The following GRIA4 variants were observed in gnomAD, a reference collection of about 807,000 sequenced individuals.
GRIA4 encodes the protein glutamate ionotropic receptor AMPA type subunit 4.
GRIA4 carries 34 observed loss-of-function variants against 104.0 expected under a neutral mutation model. The observed-to-expected ratio is 0.33, with a 90% CI of 0.25 to 0.44. The LOEUF is 0.44. GRIA4 is among the 20% of genes least tolerant of loss of function. The pLI is 1.00. For synonymous variants in GRIA4, 386 were observed against 381.9 expected, an observed-to-expected ratio of 1.01 and a Z score of -0.13; for missense variants, 750 against 1,096.5, an observed-to-expected ratio of 0.68 and a Z score of 4.46.
chr11:105,723,713 C>T (rs1181333911), intron 3 of GRIA4, among the ~76,000 whole-genome samples: 1 of 152,000 alleles, frequency 6.6e-6, no homozygotes, highest in East Asian at 1.9e-4. Flanking sequence ...AATTTGTGTG[C>T]ATGTGTAACT....
chr11:105,759,986 T>C (rs1264677602), intron 4 of GRIA4, among the ~76,000 whole-genome samples: 1 of 119,456 alleles, frequency 8.4e-6, no homozygotes, highest in East Asian at 2.4e-4. Context: ...TATGAATGAA[T>C]GAATCATATG....
At chr11:105,838,920 T>C (rs1293325108) in intron 4 of GRIA4, among the ~76,000 whole-genome samples, 1 of 152,178 alleles carries the variant, frequency 6.6e-6, no homozygotes, top group Non-Finnish European at 1.5e-5. Flanking sequence ...TCCGTGAAAC[T>C]GACATGCAAG....
At chr11:105,957,271 T>C (rs1948615377) in intron 14 of GRIA4, among the ~76,000 whole-genome samples, 1 of 152,246 alleles carries the variant, frequency 6.6e-6, no homozygotes, top group Non-Finnish European at 1.5e-5. Context: ...TTAATCCATC[T>C]TGAATTAATT....
At chr11:105,850,263 T>C (rs993701051) in intron 4 of GRIA4, among the ~76,000 whole-genome samples, 1 of 152,252 alleles carries the variant, frequency 6.6e-6, no homozygotes, top group African/African-American at 2.4e-5. Flanking sequence ...GCATTCATTA[T>C]AATTCTCAGG....
chr11:105,639,094 C>T (rs939858774), intron 3 of GRIA4, among the ~76,000 whole-genome samples: 4 of 152,024 alleles, frequency 2.6e-5, no homozygotes, highest in Non-Finnish European at 5.9e-5. Flanking sequence ...TCTTATTTCC[C>T]TTTTACTTGG....
chr11:105,619,240 A>G (rs1048630976), intron 3 of GRIA4, among the ~76,000 whole-genome samples: 16 of 151,966 alleles, frequency 1.1e-4, no homozygotes, highest in Non-Finnish European at 1.8e-4. Context: ...GTTACGTAAC[A>G]CTTCTGAGTC....
At chr11:105,626,338 C>T (rs1950886130) in intron 3 of GRIA4, among the ~76,000 whole-genome samples, 1 of 151,914 alleles carries the variant, frequency 6.6e-6, no homozygotes, top group Non-Finnish European at 1.5e-5. Flanking sequence ...ACAGAAAATT[C>T]ACATTGGAAT....
chr11:105,615,076 G>C (rs756106762), intron 3 of GRIA4, among the ~76,000 whole-genome samples: 13 of 151,778 alleles, frequency 8.6e-5, no homozygotes, highest in African/African-American at 3.1e-4. Flanking sequence ...GTTTATTTTA[G>C]TCATGATTTT....
chr11:105,794,463 G>GTATATA (rs1565241119), intron 4 of GRIA4, among the ~76,000 whole-genome samples: 1 of 39,302 alleles, frequency 2.5e-5, no homozygotes, highest in African/African-American at 1.4e-4. Context: ...CTGTGTGTGT[G>GTATATA]TATATGTATG....
intron 4 of GRIA4, among the ~76,000 whole-genome samples, chr11:105,808,636 A>T (rs1461515043): frequency 6.6e-6 from 1 of 152,076 alleles, no homozygotes; most frequent in African/African-American, 2.4e-5. Context: ...CAAATTCTTT[A>T]AAAACTGATA....
intron 13 of GRIA4, among the ~76,000 whole-genome samples, chr11:105,927,685 T>C (rs1056883159): frequency 4.6e-5 from 7 of 152,050 alleles, no homozygotes. Flanking sequence ...GTTTGTTCCA[T>C]TATGGGGATG....
Position 105,753,234 on chromosome 11 carries a change from C to A in GRIA4, c.487+14C>A, listed in dbSNP as rs1213060903. The A allele has an allele frequency of 8.1e-6, 13 of 1,611,972 alleles. No homozygotes were observed. Among genetic ancestry groups the A allele is most frequent in the East Asian group, 6.7e-5 (3 of 44,816 alleles). Reference sequence around the variant, plus strand: ...ACACAGACAGGGGTAAGTCCAGTTTCTTCATCTATTAGAGCAAAACTCTAA... The same window carrying A: ...ACACAGACAGGGGTAAGTCCAGTTTATTCATCTATTAGAGCAAAACTCTAA... On this transcript the variant is annotated intron_variant, in intron 4 of 16. Coordinates refer to ENST00000282499, the MANE Select transcript of GRIA4 (RefSeq NM_000829.4).
At chr11:105,813,770 G>A (rs1204383980) in intron 4 of GRIA4, among the ~76,000 whole-genome samples, 4 of 152,110 alleles carry the variant, frequency 2.6e-5, no homozygotes, top group African/African-American at 9.7e-5. Context: ...CCTAATATGT[G>A]CTTGGCTGTG....
chr11:105,880,641 G>A (rs775518210), intron 5 of GRIA4, among the ~76,000 whole-genome samples: 46 of 152,090 alleles, frequency 3.0e-4, no homozygotes, highest in South Asian at 4.2e-4. Context: ...ATAAAAAACC[G>A]GTACTAAGAA....
At chr11:105,903,736 C>T (rs1299524270) in intron 7 of GRIA4, 78 bp from the exon 8 acceptor site, 3 of 965,474 alleles carry the variant, frequency 3.1e-6, no homozygotes, top group Non-Finnish European at 4.9e-6. Flanking sequence ...ATGTCATAAA[C>T]TTACAAAGAC....
At chr11:105,777,307 T>C (rs1941493117) in intron 4 of GRIA4, among the ~76,000 whole-genome samples, 1 of 152,204 alleles carries the variant, frequency 6.6e-6, no homozygotes, top group South Asian at 2.1e-4. Flanking sequence ...TCAAAGTGGA[T>C]GATTTTTATT....
chr11:105,824,243 T>C (rs1180985408), intron 4 of GRIA4, among the ~76,000 whole-genome samples: 2 of 152,114 alleles, frequency 1.3e-5, no homozygotes, highest in Admixed American at 1.3e-4. Flanking sequence ...TCCCACAGCC[T>C]CTGGTTCCAC....
chr11:105,621,797 A>G (rs1023700471), intron 3 of GRIA4, among the ~76,000 whole-genome samples: 1 of 151,894 alleles, frequency 6.6e-6, no homozygotes, highest in African/African-American at 2.4e-5. Context: ...TTCAAAATTT[A>G]TTTAAATTTA....
rs1487242548 is a variant in GRIA4 at position 105,887,522 on chromosome 11, G to C, written c.676G>C (p.Val226Leu). 7.4e-7 allele frequency: 1 copy of C among 1,358,742 alleles called. No individual in the cohort carries two copies. The allele number at this position is 1,358,742 out of a possible 1,614,324, so 84.2% of individuals were successfully genotyped here. A position where few individuals can be genotyped will look rare whatever the true frequency, so the allele number is the denominator to read the frequency against. The change falls in exon 6 of 17, where the codon GTA (valine) becomes CTA (leucine). Residue 226 changes from valine (V) to leucine (L), a missense_variant. By Grantham distance (32) the Val-to-Leu change is conservative (BLOSUM62 1). This residue lies in a region of GRIA4 where 410 missense variants were observed against 502.7 expected (regional missense o/e 0.82). Coordinates refer to ENST00000282499, the MANE Select transcript of GRIA4 (RefSeq NM_000829.4). The stretch of plus-strand genomic sequence containing the variant: ...TTATTTGCTTATATCTTCACAGATT[G>C]TAAGTGTTGGAAAGCATGTTAAAGG... ...ERLQNILEQI[V>L]SVGKHVKGYH...
Sources: allele counts gnomAD v4.1 joint callset (sites outside exome capture counted in the v4.1 genomes callset), GRCh38; gene constraint gnomAD v4.1.1; regional missense constraint gnomAD v4.1.1; transcripts MANE v1.5; gene names NCBI Gene and HGNC (gene_info 2026-07-23, HGNC 2026-07-21).